The following THSD7A variants were observed in gnomAD, a reference collection of about 807,000 sequenced individuals.
The protein encoded by THSD7A is thrombospondin type-1 domain-containing protein 7A.
A neutral mutation model predicts 231.3 loss-of-function variants in THSD7A; 96 were observed. The observed-to-expected ratio is 0.41, with a 90% confidence interval of 0.35 to 0.49. The LOEUF (loss-of-function observed/expected upper bound fraction) is 0.49. THSD7A is among the 20% of genes least tolerant of loss of function. The probability of loss-of-function intolerance (pLI) is 0.05; values close to 1 mark genes in which losing one functional copy is unlikely to be tolerated. For synonymous variants in THSD7A, 940 were observed against 743.3 expected (o/e 1.26, Z -4.30); for missense variants, 2,290 against 2,070.2 (o/e 1.11, Z -2.06).
intron 1 of THSD7A, among the ~76,000 whole-genome samples, chr7:11,819,705 G>C (rs935078326): frequency 2.6e-5 from 4 of 152,156 alleles, no homozygotes; most frequent in Non-Finnish European, 4.4e-5. Flanking sequence ...TTTCCGGGTA[G>C]TAAACCTATT....
intron 1 of THSD7A, among the ~76,000 whole-genome samples, chr7:11,787,591 C>T (rs911061094): frequency 7.2e-5 from 11 of 151,856 alleles, no homozygotes; most frequent in South Asian, 2.1e-4. Flanking sequence ...TAGAAATAGG[C>T]GAAAGACCTA....
chr7:11,806,280 A>G (rs1784395627), intron 1 of THSD7A, among the ~76,000 whole-genome samples: 1 of 152,220 alleles, frequency 6.6e-6, no homozygotes, highest in Admixed American at 6.5e-5. Context: ...TTATGCAATT[A>G]AATTCCACAT....
At chr7:11,547,849 G>C (rs1583950817) in intron 4 of THSD7A, among the ~76,000 whole-genome samples, 1 of 152,120 alleles carries the variant, frequency 6.6e-6, no homozygotes, top group African/African-American at 2.4e-5. Flanking sequence ...GACTTTCTGG[G>C]ACACAGCTAA....
chr7:11,390,952 G>A (rs1169396852), intron 23 of THSD7A, among the ~76,000 whole-genome samples: 2 of 152,236 alleles, frequency 1.3e-5, no homozygotes, highest in Non-Finnish European at 2.9e-5. Context: ...ATTGCTGCCT[G>A]TTCCTTCCTC....
chr7:11,548,778 G>C (rs186052805), intron 4 of THSD7A, among the ~76,000 whole-genome samples: 295 of 151,598 alleles, frequency 1.9e-3, no homozygotes, highest in Middle Eastern at 6.8e-3. Context: ...AATAGACGCA[G>C]AAAAGTCTTT....
chr7:11,436,944 A>T (rs1048850962), intron 13 of THSD7A, among the ~76,000 whole-genome samples: 21 of 152,134 alleles, frequency 1.4e-4, no homozygotes, highest in African/African-American at 4.8e-4. Context: ...CAGATGACCT[A>T]AAATTTCCTA....
At chr7:11,650,174 G>A (rs1433670472) in intron 1 of THSD7A, among the ~76,000 whole-genome samples, 1 of 152,020 alleles carries the variant, frequency 6.6e-6, no homozygotes, top group Admixed American at 6.6e-5. Flanking sequence ...AGTTGCAATT[G>A]GGGCCAACAT....
intron 4 of THSD7A, among the ~76,000 whole-genome samples, chr7:11,574,618 A>G (rs1419543611): frequency 3.5e-5 from 5 of 142,794 alleles, no homozygotes; most frequent in Non-Finnish European, 7.6e-5. Flanking sequence ...TTTTTTTTTT[A>G]GTAGAGATGG....
intron 2 of THSD7A, among the ~76,000 whole-genome samples, chr7:11,635,834 G>A (rs899982027): frequency 4.6e-5 from 7 of 151,296 alleles, no homozygotes; most frequent in Non-Finnish European, 2.9e-5. Context: ...TCTATTATAG[G>A]GAAACGACAC....
At chr7:11,820,533 C>A (rs940942575) in intron 1 of THSD7A, 3 of 752,140 alleles carry the variant, frequency 4.0e-6, no homozygotes, top group South Asian at 1.9e-5. Context: ...CTCCTCTTAC[C>A]GGTTTCTTTT....
chr7:11,494,197 G>T (rs1787008658), intron 6 of THSD7A, among the ~76,000 whole-genome samples: 1 of 151,928 alleles, frequency 6.6e-6, no homozygotes, highest in African/African-American at 2.4e-5. Flanking sequence ...AAGACATATT[G>T]AGTTTTAAAA....
intron 1 of THSD7A, among the ~76,000 whole-genome samples, chr7:11,769,133 A>ATATATATATATATATATATATC: frequency 2.8e-5 from 1 of 35,748 alleles, no homozygotes; most frequent in Non-Finnish European, 6.2e-5. Context: ...ATATATATAT[A>ATATATATATATATATATATATC]TATATATATA....
chr7:11,593,406 T>C lies in THSD7A; in HGVS notation c.1119A>G (p.Ser373=). 1.2e-6 allele frequency: 2 copies of C among 1,614,056 alleles called. No homozygotes were observed. The highest frequency in any genetic ancestry group is 2.7e-5 in the African/African-American group (2 of 75,064). Residue 373 remains serine, a synonymous_variant, in exon 3 of 28, where the codon TCA becomes TCG. Transcript: ENST00000423059. ...GGGACACCATGTCATGGCATGTTTT[T>C]GAGCAGGGGCTCCACTCTGACCACT... The part of the protein sequence containing the change: ...VSEWSEWSPC[S]KTCHDMVSPA...
intron 1 of THSD7A, among the ~76,000 whole-genome samples, chr7:11,744,670 C>T (rs910828892): frequency 2.7e-5 from 4 of 147,896 alleles, no homozygotes; most frequent in African/African-American, 9.9e-5. Context: ...TCAATTCCCA[C>T]CTATGAGTGA....
intron 2 of THSD7A, among the ~76,000 whole-genome samples, chr7:11,600,730 T>C (rs17164868): frequency 0.01 from 1,560 of 152,294 alleles, 30 homozygotes; most frequent in African/African-American, 0.034. Context: ...ATTCAGTTGC[T>C]ATATTTAACT....
At chr7:11,767,657 G>C (rs1329983113) in intron 1 of THSD7A, among the ~76,000 whole-genome samples, 3 of 152,100 alleles carry the variant, frequency 2.0e-5, no homozygotes, top group African/African-American at 7.2e-5. Context: ...AACAGGAATA[G>C]ATCTTTGGGT....
At chr7:11,572,371 A>T (rs888599218) in intron 4 of THSD7A, among the ~76,000 whole-genome samples, 3 of 152,198 alleles carry the variant, frequency 2.0e-5, no homozygotes, top group Admixed American at 2.0e-4. Context: ...TCAATTATTA[A>T]GCCCACTCAG....
intron 4 of THSD7A, among the ~76,000 whole-genome samples, chr7:11,574,107 T>G (rs996008253): frequency 2.0e-5 from 3 of 152,332 alleles, no homozygotes; most frequent in Non-Finnish European, 2.9e-5. Flanking sequence ...GGGAAAATTT[T>G]GGGCTAGATA....
intron 4 of THSD7A, among the ~76,000 whole-genome samples, chr7:11,565,043 T>C (rs1790248059): frequency 6.6e-6 from 1 of 152,160 alleles, no homozygotes; most frequent in Admixed American, 6.5e-5. Flanking sequence ...GAGTCTGTCT[T>C]TCCATTTTTT....
Sources: allele counts gnomAD v4.1 joint callset (sites outside exome capture counted in the v4.1 genomes callset), GRCh38; gene constraint gnomAD v4.1.1; transcripts MANE v1.5; gene names NCBI Gene and HGNC (gene_info 2026-07-23, HGNC 2026-07-21).